IL7: variants seen among roughly 807,000 people sequenced by gnomAD.
The protein encoded by IL7 is interleukin-7.
In IL7, 3 loss-of-function variants were observed where a neutral mutation model predicts 21.6. That is an observed-to-expected ratio of 0.14 (90% CI 0.06 to 0.36). The LOEUF is 0.36. Among genes scored for constraint, IL7 ranks in the 10% least tolerant of loss-of-function variants. IL7 has a pLI of 1.00. For missense variants in IL7, 175 were observed against 200.2 expected (o/e 0.87, Z 0.76); for synonymous variants, 62 against 68.1 (o/e 0.91, Z 0.44).
intron 2 of IL7, among the ~76,000 whole-genome samples, chr8:78,741,057 T>C (rs1811763913): frequency 6.6e-6 from 1 of 152,194 alleles, no homozygotes; most frequent in Non-Finnish European, 1.5e-5. Context: ...TCTTAGCCTA[T>C]GTAATGTCTC....
intron 2 of IL7, among the ~76,000 whole-genome samples, chr8:78,769,953 A>G (rs1489142492): frequency 6.6e-6 from 1 of 152,192 alleles, no homozygotes; most frequent in African/African-American, 2.4e-5. Flanking sequence ...CCTATTTAAT[A>G]AATGGTGCTG....
At chr8:78,754,338 G>A (rs755076204) in intron 2 of IL7, among the ~76,000 whole-genome samples, 2 of 152,174 alleles carry the variant, frequency 1.3e-5, no homozygotes, top group Non-Finnish European at 2.9e-5. Context: ...TACAAGGGAT[G>A]TGAAGGACCT....
At chr8:78,753,588 C>A (rs1006272018) in intron 2 of IL7, among the ~76,000 whole-genome samples, 1 of 152,084 alleles carries the variant, frequency 6.6e-6, no homozygotes, top group Non-Finnish European at 1.5e-5. Flanking sequence ...AAATAGATAC[C>A]ATTTGTCAAT....
chr8:78,708,672 CTTT>C (rs66697724), intron 3 of IL7, among the ~76,000 whole-genome samples: 1 of 142,574 alleles, frequency 7.0e-6, no homozygotes, highest in Admixed American at 7.0e-5. Flanking sequence ...AGATGATTAT[CTTT>C]TTTTTTTCTT....
chr8:78,686,380 G>A (rs2130484150), intron 3 of IL7: 2 of 1,078,240 alleles, frequency 1.9e-6, no homozygotes, highest in East Asian at 3.2e-5. Context: ...CATTTAAAAT[G>A]ATATGGAATT....
chr8:78,715,720 T>G (rs1811080392), downstream of IL7, among the ~76,000 whole-genome samples: 1 of 152,096 alleles, frequency 6.6e-6, no homozygotes, highest in Non-Finnish European at 1.5e-5. Flanking sequence ...GCAGATGTCA[T>G]TGAACTGCTG....
chr8:78,770,934 ATAATGTTATC>A (rs965495010), intron 2 of IL7, among the ~76,000 whole-genome samples: 11 of 152,052 alleles, frequency 7.2e-5, no homozygotes, highest in Admixed American at 3.9e-4. Flanking sequence ...GAAAATTCCC[ATAATGTTATC>A]TAATGTGTGT....
chr8:78,730,830 T>C (rs1811412592), downstream of IL7, among the ~76,000 whole-genome samples: 2 of 151,986 alleles, frequency 1.3e-5, no homozygotes, highest in Non-Finnish European at 2.9e-5. Flanking sequence ...TCTGGTCAAA[T>C]AATAATGAAT....
intron 3 of IL7, chr8:78,686,486 C>T (rs777639391): frequency 2.0e-6 from 3 of 1,512,146 alleles, no homozygotes; most frequent in Admixed American, 2.0e-5. Flanking sequence ...CCAAAGAAAC[C>T]ATCTAATTGG....
intron 2 of IL7, chr8:78,760,949 G>C: frequency 6.4e-7 from 1 of 1,562,402 alleles, no homozygotes; most frequent in Non-Finnish European, 8.6e-7. Context: ...AAAGGCTCTT[G>C]TAAAAGATAG....
chr8:78,765,732 G>A (rs1812735755), intron 2 of IL7, among the ~76,000 whole-genome samples: 1 of 152,068 alleles, frequency 6.6e-6, no homozygotes, highest in Admixed American at 6.6e-5. Flanking sequence ...ATTGCTGATG[G>A]GAAGGTAAAC....
downstream of IL7, among the ~76,000 whole-genome samples, chr8:78,675,237 T>G (rs924277714): frequency 1.3e-5 from 2 of 151,812 alleles, no homozygotes; most frequent in African/African-American, 2.4e-5. Flanking sequence ...TTAATATAAG[T>G]ATTATATGTA....
downstream of IL7, among the ~76,000 whole-genome samples, chr8:78,715,020 G>C (rs533459371): frequency 6.6e-6 from 1 of 152,240 alleles, no homozygotes; most frequent in African/African-American, 2.4e-5. Flanking sequence ...TATCAGAATA[G>C]TATTAGTAAA....
intron 2 of IL7, among the ~76,000 whole-genome samples, chr8:78,763,924 C>G (rs542346631): frequency 6.6e-6 from 1 of 152,212 alleles, no homozygotes; most frequent in South Asian, 2.1e-4. Context: ...CAAAAATCCT[C>G]CACATAAAAC....
intron 2 of IL7, among the ~76,000 whole-genome samples, chr8:78,767,705 G>C (rs1181180377): frequency 2.0e-5 from 3 of 151,950 alleles, no homozygotes; most frequent in Non-Finnish European, 4.4e-5. Flanking sequence ...AATAGTGATT[G>C]TTTTATATCA....
chr8:78,761,264 C>A, intron 2 of IL7: 2 of 1,606,190 alleles, frequency 1.2e-6, no homozygotes, highest in Non-Finnish European at 1.7e-6. Context: ...GAAAAAAGAA[C>A]AAACTTCCTC....
At chr8:78,693,379 C>A (rs1810282377) in intron 3 of IL7, among the ~76,000 whole-genome samples, 1 of 152,120 alleles carries the variant, frequency 6.6e-6, no homozygotes, top group African/African-American at 2.4e-5. Context: ...TTCTCCACAT[C>A]CTCTCCAGCA....
intron 2 of IL7, among the ~76,000 whole-genome samples, chr8:78,788,674 G>A (rs182113954): frequency 6.6e-6 from 1 of 152,240 alleles, no homozygotes; most frequent in Non-Finnish European, 1.5e-5. Flanking sequence ...TATTCCATGT[G>A]AGTCTGAGAA....
intron 2 of IL7, among the ~76,000 whole-genome samples, chr8:78,763,772 A>G (rs946010309): frequency 6.6e-6 from 1 of 152,220 alleles, no homozygotes; most frequent in African/African-American, 2.4e-5. Flanking sequence ...AATGCTCCAC[A>G]CTATCTGACA....
Sources: gnomAD v4.1 joint callset for allele counts (sites outside exome capture counted in the v4.1 genomes callset) on GRCh38, gnomAD v4.1.1 for gene constraint, MANE v1.5 for transcripts, NCBI Gene and HGNC (gene_info 2026-07-23, HGNC 2026-07-21) for gene names.